Variants in ZRANB3 observed in about 807,000 individuals in gnomAD.
ZRANB3 encodes the protein DNA annealing helicase and endonuclease ZRANB3.
A neutral mutation model predicts 133.8 loss-of-function variants in ZRANB3; 125 were observed. That is an observed-to-expected ratio of 0.93 (90% CI 0.81 to 1.08). The LOEUF is 1.08. Ranked by LOEUF, ZRANB3 falls within the 50% of genes least tolerant of loss-of-function variation. ZRANB3 has a pLI of 0.00. For synonymous variants in ZRANB3, 387 were observed against 432.7 expected (o/e 0.89, Z 1.31); for missense variants, 1,229 against 1,275.5 (o/e 0.96, Z 0.56).
chr2:135,210,111 G>A (rs1457977889), intron 17 of ZRANB3, among the ~76,000 whole-genome samples: 1 of 151,864 alleles, frequency 6.6e-6, no homozygotes, highest in Non-Finnish European at 1.5e-5. Context: ...AAATGATCTT[G>A]AGTCATTTTA....
At chr2:135,352,281 G>A (rs9750053) in intron 4 of ZRANB3, among the ~76,000 whole-genome samples, 15,740 of 150,892 alleles carry the variant, frequency 0.1, 1,083 homozygotes, top group South Asian at 0.32. Context: ...GCAGTGAGCC[G>A]ACATGGTGCC....
At chr2:135,279,676 C>A (rs1232095135) in intron 8 of ZRANB3, among the ~76,000 whole-genome samples, 2 of 152,186 alleles carry the variant, frequency 1.3e-5, no homozygotes, top group Non-Finnish European at 2.9e-5. Flanking sequence ...ACTGATATCA[C>A]CTGCTTCCAT....
Position 135,346,454 on chromosome 2 carries a change from G to GTA in ZRANB3, c.592-821_592-820dup, listed in dbSNP as rs547836479. The stretch of plus-strand genomic sequence containing the variant: ...TTAACAACTTCATATAACTGTGTGT[G>GTA]TATATATATATGAATATATAGGTAT... On this transcript the variant is annotated intron_variant, in intron 5 of 20. Transcript: ENST00000264159. Among the ~76,000 whole-genome samples, 921 of 151,944 alleles carry GTA rather than the reference G, an allele frequency of 6.1e-3. 11 individuals carry two copies. The highest frequency in any genetic ancestry group is 0.021 in the African/African-American group (872 of 41,440).
rs548070677 is a variant in ZRANB3, at chr2:135,370,033, CT to C, written c.181-16406del. On this transcript the variant is annotated intron_variant, in intron 3 of 20. Coordinates refer to ENST00000264159, the MANE Select transcript of ZRANB3 (RefSeq NM_032143.4). Reference sequence around the variant, plus strand: ...ACTTGATTAGAGGGAGGGCATGTTTCTTTTTTTTTTTTTTTTTTTAATATCC... The same window carrying C: ...ACTTGATTAGAGGGAGGGCATGTTTCTTTTTTTTTTTTTTTTTTAATATCC... 7.3e-3 allele frequency among the ~76,000 whole-genome samples: 867 copies of C among 119,342 alleles called. 1 individual carries two copies. The highest frequency in any genetic ancestry group is 0.014 in the African/African-American group (505 of 36,696). 78.3% of individuals were successfully genotyped at this position (119,342 alleles called of 152,430 possible). A position where few individuals can be genotyped will look rare whatever the true frequency, so the allele number is the denominator to read the frequency against.
At chr2:135,520,591 T>A (rs1340303891) in intron 1 of ZRANB3, among the ~76,000 whole-genome samples, 2 of 151,702 alleles carry the variant, frequency 1.3e-5, no homozygotes, top group East Asian at 3.9e-4. Context: ...TGTTTTTTTG[T>A]TTGTTTTTTT....
intron 2 of ZRANB3, among the ~76,000 whole-genome samples, chr2:135,418,311 T>C (rs1688679609): frequency 6.6e-6 from 1 of 152,216 alleles, no homozygotes; most frequent in South Asian, 2.1e-4. Flanking sequence ...TCTGTGGGTT[T>C]TCGTATCCAC....
chr2:135,416,595 T>C (rs1005286849), intron 2 of ZRANB3, among the ~76,000 whole-genome samples: 184 of 151,224 alleles, frequency 1.2e-3, no homozygotes, highest in African/African-American at 4.0e-3. Context: ...CTTCACAGAA[T>C]TGGAAAAAAC....
chr2:135,433,058 C>A (rs1321100087), intron 2 of ZRANB3, among the ~76,000 whole-genome samples: 3 of 152,012 alleles, frequency 2.0e-5, no homozygotes, highest in African/African-American at 7.3e-5. Context: ...AGTGGCCTAA[C>A]CTATGTATGC....
At chr2:135,390,131 G>A (rs1167630189) in intron 3 of ZRANB3, among the ~76,000 whole-genome samples, 1 of 151,820 alleles carries the variant, frequency 6.6e-6, no homozygotes, top group Non-Finnish European at 1.5e-5. Context: ...CACCTGCCTC[G>A]GCCTCCCAAA....
intron 1 of ZRANB3, chr2:135,511,296 T>A: frequency 1.0e-6 from 1 of 968,932 alleles, no homozygotes; most frequent in Non-Finnish European, 1.7e-6. Flanking sequence ...TAATACTAGC[T>A]CAGACTTTTC....
intron 2 of ZRANB3, among the ~76,000 whole-genome samples, chr2:135,395,794 G>A (rs1687463673): frequency 1.3e-5 from 2 of 151,882 alleles, no homozygotes; most frequent in African/African-American, 2.4e-5. Flanking sequence ...CACAAACACA[G>A]GCAACCAAAT....
At chr2:135,355,359 T>TA in intron 3 of ZRANB3, 127 of 501,534 alleles carry the variant, frequency 2.5e-4, no homozygotes, top group South Asian at 6.1e-4. Context: ...CAATCACAGA[T>TA]CTTTTTTTTT....
chr2:135,360,170 G>A (rs982804195), intron 3 of ZRANB3, among the ~76,000 whole-genome samples: 1 of 151,748 alleles, frequency 6.6e-6, no homozygotes, highest in Non-Finnish European at 1.5e-5. Flanking sequence ...CCTGAGGTCA[G>A]GAGTTCGAGA....
At chr2:135,207,353 G>A (rs1693911584) in intron 19 of ZRANB3, 81 bp downstream of exon 19, 3 of 1,458,744 alleles carry the variant, frequency 2.1e-6, no homozygotes, top group Non-Finnish European at 2.7e-6. Flanking sequence ...ATATTCCCAT[G>A]TTAAAATGTA....
intron 12 of ZRANB3, among the ~76,000 whole-genome samples, chr2:135,249,141 T>A (rs1021700896): frequency 7.9e-5 from 12 of 152,138 alleles, no homozygotes; most frequent in African/African-American, 2.4e-4. Context: ...ACATACACTG[T>A]TGGTGGGAGT....
intron 2 of ZRANB3, among the ~76,000 whole-genome samples, chr2:135,465,558 G>A (rs1690948857): frequency 6.6e-6 from 1 of 152,092 alleles, no homozygotes; most frequent in Non-Finnish European, 1.5e-5. Context: ...TCTGAAAATT[G>A]ATTCAATCCA....
At chr2:135,270,303 C>T (rs917309451) in intron 10 of ZRANB3, among the ~76,000 whole-genome samples, 4 of 152,044 alleles carry the variant, frequency 2.6e-5, no homozygotes, top group Admixed American at 6.6e-5. Flanking sequence ...AATATGTTGG[C>T]AAGATCAATA....
At position 135,219,147 on chromosome 2, in the gene ZRANB3, G is replaced by A; in HGVS notation, c.2282C>T (p.Pro761Leu). The A allele has an allele frequency of 6.5e-7, 1 of 1,535,650 alleles. No homozygotes were observed. The highest frequency in any genetic ancestry group is 1.3e-5 in the South Asian group (1 of 77,660). ...CCAAAGGTCTAATTTTATATCCAGAGGAATGAAATTACAGCTCATCTGTTT... is the reference window on the plus strand; with the variant it reads ...CCAAAGGTCTAATTTTATATCCAGAAGAATGAAATTACAGCTCATCTGTTT... ...DGKQMSCNFI[P>L]LDIKLDLWED... The change falls in exon 16 of 21, where the codon CCT becomes CTT. Residue 761 changes from proline (P) to leucine (L), a missense_variant. Coordinates refer to ENST00000264159, the MANE Select transcript of ZRANB3 (RefSeq NM_032143.4).
chr2:135,362,461 G>A (rs1685738167), intron 3 of ZRANB3, among the ~76,000 whole-genome samples: 1 of 152,164 alleles, frequency 6.6e-6, no homozygotes, highest in African/African-American at 2.4e-5. Context: ...ATGGGCCTTA[G>A]AGAGCAGCAG....
Sources: gnomAD v4.1 joint callset for allele counts (sites outside exome capture counted in the v4.1 genomes callset) on GRCh38, gnomAD v4.1.1 for gene constraint, MANE v1.5 for transcripts, NCBI Gene and HGNC (gene_info 2026-07-23, HGNC 2026-07-21) for gene names.